KCNN3: variants seen among roughly 807,000 people sequenced by gnomAD.
KCNN3 encodes the protein potassium calcium-activated channel subfamily N member 3, also known as small conductance calcium-activated potassium channel protein 3.
KCNN3 carries 16 observed loss-of-function variants against 62.9 expected under a neutral mutation model. The ratio of observed to expected loss-of-function variants is 0.25; its 90% CI spans 0.17 to 0.39. The LOEUF is 0.39. Ranked by LOEUF, KCNN3 falls within the 10% of genes least tolerant of loss-of-function variation. KCNN3 has a pLI of 1.00. For synonymous variants in KCNN3, 370 were observed against 389.2 expected (o/e 0.95, Z 0.58); for missense variants, 599 against 949.4 (o/e 0.63, Z 4.85).
chr1:154,781,962 C>G (rs1307279437), intron 2 of KCNN3, among the ~76,000 whole-genome samples: 1 of 152,158 alleles, frequency 6.6e-6, no homozygotes, highest in Non-Finnish European at 1.5e-5. Context: ...ACAGCCAGGA[C>G]AGGGAGGGCT....
intron 2 of KCNN3, among the ~76,000 whole-genome samples, chr1:154,812,485 C>T (rs1650453512): frequency 6.6e-6 from 1 of 151,854 alleles, no homozygotes; most frequent in Non-Finnish European, 1.5e-5. Context: ...TTCAATCCCA[C>T]CTGTGAGTGA....
chr1:154,811,576 C>T (rs1466011281), intron 2 of KCNN3, among the ~76,000 whole-genome samples: 1 of 152,148 alleles, frequency 6.6e-6, no homozygotes, highest in Admixed American at 6.5e-5. Context: ...ATGGGAGATG[C>T]CTTTGGAGGA....
chr1:154,758,604 G>A (rs543225266), intron 3 of KCNN3, among the ~76,000 whole-genome samples: 2 of 152,150 alleles, frequency 1.3e-5, no homozygotes, highest in Non-Finnish European at 1.5e-5. Context: ...GCAGCCAGGG[G>A]ACTTTGGCTG....
intron 2 of KCNN3, among the ~76,000 whole-genome samples, chr1:154,803,690 G>A (rs928022249): frequency 1.3e-5 from 2 of 152,236 alleles, no homozygotes; most frequent in Admixed American, 1.3e-4. Context: ...AGGGTGTGAT[G>A]TGGCCCTGGG....
chr1:154,822,368 G>A (rs12029515), intron 1 of KCNN3, among the ~76,000 whole-genome samples, 184 bp from the exon 2 acceptor site: 31,761 of 152,214 alleles, frequency 0.21, 3,515 homozygotes, highest in African/African-American at 0.25. Flanking sequence ...TGCCCGGGCC[G>A]GCTCTGTCTC....
chr1:154,831,059 G>C (rs544644449), intron 1 of KCNN3, among the ~76,000 whole-genome samples: 10 of 152,158 alleles, frequency 6.6e-5, no homozygotes, highest in African/African-American at 2.4e-4. Context: ...GATTCCATGC[G>C]ATTCAATCAA....
intron 2 of KCNN3, among the ~76,000 whole-genome samples, chr1:154,780,581 T>TATACA (rs56306777): frequency 0.58 from 85,454 of 147,088 alleles, 25,004 homozygotes; most frequent in East Asian, 0.67. Context: ...ATTATTTATA[T>TATACA]ATATGTTTTA....
At chr1:154,770,470 AG>A (rs1648497544) in intron 3 of KCNN3, among the ~76,000 whole-genome samples, 1 of 152,232 alleles carries the variant, frequency 6.6e-6, no homozygotes, top group Non-Finnish European at 1.5e-5. Context: ...GATCTCTGCT[AG>A]GACACTGGTG....
chr1:154,805,189 C>G (rs989508567), intron 2 of KCNN3, among the ~76,000 whole-genome samples: 3 of 151,908 alleles, frequency 2.0e-5, no homozygotes, highest in African/African-American at 7.3e-5. Flanking sequence ...GGGAAAAGGC[C>G]CAAAAGGTGG....
intron 1 of KCNN3, among the ~76,000 whole-genome samples, chr1:154,845,927 A>G (rs36004974): frequency 0.25 from 37,875 of 151,966 alleles, 5,501 homozygotes; most frequent in Non-Finnish European, 0.34. Context: ...GCCTTCCCCA[A>G]CGCCCTACCA....
chr1:154,730,952 C>T (rs1375240209), intron 4 of KCNN3, among the ~76,000 whole-genome samples: 1 of 152,218 alleles, frequency 6.6e-6, no homozygotes, highest in Non-Finnish European at 1.5e-5. Flanking sequence ...TTCCGCTCAG[C>T]TGTGCCAGAG....
intron 1 of KCNN3, chr1:154,859,720 C>G: frequency 6.2e-7 from 1 of 1,614,166 alleles, no homozygotes; most frequent in African/African-American, 1.3e-5. Flanking sequence ...CATCTATAAC[C>G]TGAAGCAAAA....
intron 3 of KCNN3, among the ~76,000 whole-genome samples, chr1:154,758,791 G>GT (rs373869530): frequency 2.0e-5 from 3 of 148,318 alleles, no homozygotes; most frequent in South Asian, 2.1e-4. Context: ...GGAGAACATC[G>GT]TTTTGTTTTT....
intron 2 of KCNN3, among the ~76,000 whole-genome samples, chr1:154,778,537 CT>C (rs35869559): frequency 6.6e-6 from 1 of 151,146 alleles, no homozygotes; most frequent in East Asian, 2.0e-4. Flanking sequence ...CATTCACTTA[CT>C]TCTGTACATG....
chr1:154,747,140 C>G (rs1191376242), intron 3 of KCNN3, among the ~76,000 whole-genome samples: 1 of 152,202 alleles, frequency 6.6e-6, no homozygotes, highest in African/African-American at 2.4e-5. Context: ...CCCCATCACT[C>G]CACATCCAGT....
intron 5 of KCNN3, among the ~76,000 whole-genome samples, chr1:154,719,652 A>G (rs1700304569): frequency 1.3e-5 from 2 of 152,306 alleles, no homozygotes; most frequent in African/African-American, 4.8e-5. Context: ...AGAACCTGCA[A>G]GCCAGCCCTT....
intron 3 of KCNN3, among the ~76,000 whole-genome samples, chr1:154,751,465 A>C (rs1199999274): frequency 6.6e-6 from 1 of 152,198 alleles, no homozygotes; most frequent in African/African-American, 2.4e-5. Flanking sequence ...AGCAGCCTTC[A>C]TCCAGGCTGG....
At chr1:154,730,811 C>T (rs533720162) in intron 4 of KCNN3, among the ~76,000 whole-genome samples, 3 of 152,180 alleles carry the variant, frequency 2.0e-5, no homozygotes, top group Non-Finnish European at 4.4e-5. Context: ...TTTGATCACA[C>T]CTCAATCCAC....
Position 154,850,210 on chromosome 1 carries a change from T to A in KCNN3, c.933+18822A>T, listed in dbSNP as rs145003612. ...GTGTCAAGTCACCGGCCTAAGCTCC[T>A]TCATTAACATCACTTCACAAAACTC... is the stretch of plus-strand genomic sequence containing the variant. On this transcript the variant is annotated intron_variant, in intron 1 of 7. Transcript: ENST00000271915. Among the ~76,000 whole-genome samples, 3 of 152,314 alleles carry A rather than the reference T, an allele frequency of 2.0e-5. No individual in the cohort carries two copies. In the East Asian group the frequency reaches 5.8e-4, roughly 29 times the overall value.
Sources: allele counts gnomAD v4.1 joint callset (sites outside exome capture counted in the v4.1 genomes callset), GRCh38; gene constraint gnomAD v4.1.1; transcripts MANE v1.5; gene names NCBI Gene and HGNC (gene_info 2026-07-23, HGNC 2026-07-21).